The following PLAGL1 variants were observed in gnomAD, a reference collection of about 807,000 sequenced individuals.
PLAGL1 encodes the protein zinc finger protein PLAGL1.
PLAGL1 carries 1 observed loss-of-function variant against 4.6 expected under a neutral mutation model. That is an observed-to-expected ratio of 0.22 (90% confidence interval 0.08 to 1.03). The LOEUF (loss-of-function observed/expected upper bound fraction) is 1.03, where lower values mean the gene tolerates loss of function less well. Among genes scored for constraint, PLAGL1 ranks in the 50% least tolerant of loss-of-function variants. PLAGL1 has a pLI of 0.58. For synonymous variants in PLAGL1, 240 were observed against 237.8 expected, an observed-to-expected ratio of 1.01 and a Z score of -0.08; for missense variants, 464 against 570.4, an observed-to-expected ratio of 0.81 and a Z score of 1.90.
intron 1 of PLAGL1, among the ~76,000 whole-genome samples, chr6:144,028,570 G>T (rs1796547070): frequency 6.6e-6 from 1 of 152,198 alleles, no homozygotes; most frequent in Non-Finnish European, 1.5e-5. Flanking sequence ...GGGTATGGCT[G>T]TAAAGTGAGC....
chr6:144,046,986 C>T (rs143130832), intron 1 of PLAGL1, among the ~76,000 whole-genome samples: 2,190 of 152,296 alleles, frequency 0.014, 69 homozygotes, highest in African/African-American at 0.051. Context: ...GCTCTGTGGG[C>T]GTGGGACCCG....
At chr6:143,946,187 G>A (rs1479323349) in intron 7 of PLAGL1, among the ~76,000 whole-genome samples, 1 of 152,192 alleles carries the variant, frequency 6.6e-6, no homozygotes, top group Non-Finnish European at 1.5e-5. Flanking sequence ...CTTTCAATCT[G>A]CATCTGGTTG....
At chr6:144,057,098 T>C (rs1246842461) in intron 1 of PLAGL1, among the ~76,000 whole-genome samples, 1 of 152,226 alleles carries the variant, frequency 6.6e-6, no homozygotes, top group Admixed American at 6.5e-5. Flanking sequence ...GGTCTTGGTG[T>C]AGACTTCAGT....
At chr6:144,018,984 T>C (rs2128696136) in intron 1 of PLAGL1, among the ~76,000 whole-genome samples, 1 of 152,130 alleles carries the variant, frequency 6.6e-6, no homozygotes, top group East Asian at 1.9e-4. Context: ...CACTGAGTTA[T>C]GACCGCACCA....
chr6:144,007,524 A>G (rs1014111088), intron 1 of PLAGL1: 14 of 152,216 alleles, frequency 9.2e-5, no homozygotes, highest in African/African-American at 3.4e-4. Context: ...AAAAGGTAGA[A>G]ATCCCCATTC....
rs1794262316 is a variant in PLAGL1, at chr6:144,006,656, C to T, written c.-584+1434G>A. 6.6e-6 allele frequency: 1 copy of T among 152,072 alleles called. No individual in the cohort carries two copies. The highest frequency in any genetic ancestry group is 2.1e-4 in the South Asian group (1 of 4,812). The allele number at this position is 152,072 out of a possible 1,614,324, so 9.4% of individuals were successfully genotyped here. On this transcript the variant is annotated intron_variant, in intron 1 of 7. Transcript: ENST00000674357. This position sits in a 1 kb window ranked among gnomAD's most constrained non-coding sequence, Gnocchi z 4.3. ...TTCATTGGCCACTGTACAGTGTGCC[C>T]TTTTTATGAGTGGTGTATAATTTAT...
At chr6:144,035,390 T>C (rs576018109) in intron 1 of PLAGL1, among the ~76,000 whole-genome samples, 49 of 152,204 alleles carry the variant, frequency 3.2e-4, no homozygotes, top group Non-Finnish European at 5.6e-4. Context: ...ACTTGGAGTC[T>C]AATGTTCAAG....
intron 1 of PLAGL1, among the ~76,000 whole-genome samples, chr6:144,058,417 C>G (rs977832032): frequency 3.3e-5 from 5 of 152,126 alleles, no homozygotes; most frequent in Admixed American, 3.3e-4. Context: ...TTTGGAGGGA[C>G]GAATTTTCAA....
intron 1 of PLAGL1, among the ~76,000 whole-genome samples, chr6:144,035,687 C>T (rs1485328862): frequency 2.0e-5 from 3 of 152,158 alleles, no homozygotes; most frequent in African/African-American, 7.2e-5. Flanking sequence ...TGTGTCAAAT[C>T]CCTGTTGCTA....
At chr6:144,003,228 T>A (rs1042577998) in intron 1 of PLAGL1, among the ~76,000 whole-genome samples, 7 of 151,510 alleles carry the variant, frequency 4.6e-5, no homozygotes, top group African/African-American at 1.7e-4. Context: ...TAAATCTTGA[T>A]CCCCCCCTCA....
chr6:143,982,738 C>T lies in PLAGL1; in HGVS notation c.-544+2397G>A, dbSNP rs764842433. Among the ~76,000 whole-genome samples the T allele has an allele frequency of 1.3e-5, 2 of 151,826 alleles. No individual in the cohort carries two copies. Among genetic ancestry groups the T allele is most frequent in the Non-Finnish European group, 2.9e-5 (2 of 67,978 alleles). ...CTGAATGTGTAGAGGGTGAGAGAGA[C>T]GAAATGAGGATGCTGCAAAGGCACC... is the stretch of plus-strand genomic sequence containing the variant. On this transcript the variant is annotated intron_variant, in intron 2 of 7. Transcript: ENST00000674357. This position sits in a 1 kb window ranked among gnomAD's most constrained non-coding sequence, Gnocchi z 5.3.
In PLAGL1 at chr6:143,947,716, TTG is replaced by T. The variant is rs1476305189; in HGVS notation, c.152+267_152+268del. On this transcript the variant is annotated intron_variant, in intron 7 of 7. Coordinates refer to ENST00000674357, the MANE Select transcript of PLAGL1 (RefSeq NM_001317162.2). The surrounding 1 kb of genome is among the most constrained non-coding windows in gnomAD (Gnocchi z 4.3). Reference sequence around the variant, plus strand: ...TCAAAGCAGTGAGGTTGCATTTTAATTGTCTTTTCCTATTTCTCCAGCCATGG... The same window carrying T: ...TCAAAGCAGTGAGGTTGCATTTTAATTCTTTTCCTATTTCTCCAGCCATGG... Among the ~76,000 whole-genome samples the T allele has an allele frequency of 6.6e-6, 1 of 152,210 alleles. No homozygotes were observed. Among genetic ancestry groups the T allele is most frequent in the Non-Finnish European group, 1.5e-5 (1 of 68,036 alleles).
Position 143,983,168 on chromosome 6 carries a change from A to G in PLAGL1, c.-544+1967T>C, listed in dbSNP as rs547259075. Among the ~76,000 whole-genome samples the G allele has an allele frequency of 1.4e-4, 22 of 152,160 alleles. No homozygotes were observed. Among genetic ancestry groups the G allele is most frequent in the African/African-American group, 4.3e-4 (18 of 41,428 alleles). ...GGAAAGTGTGCAGACTCAGAAGACA[A>G]GAGAAGAACATACTTCACAGAGCAG... On this transcript the variant is annotated intron_variant, in intron 2 of 7. Coordinates refer to ENST00000674357, the MANE Select transcript of PLAGL1 (RefSeq NM_001317162.2). This position sits in a 1 kb window ranked among gnomAD's most constrained non-coding sequence, Gnocchi z 6.6.
Position 143,955,709 on chromosome 6 carries a change from C to T in PLAGL1, c.-325+4760G>A, listed in dbSNP as rs531401503. 8.5e-5 allele frequency among the ~76,000 whole-genome samples: 13 copies of T among 152,192 alleles called. No individual in the cohort carries two copies. The South Asian group carries it at 2.7e-3, about 32-fold the overall frequency. The stretch of plus-strand genomic sequence containing the variant: ...CGATCAGAAGCAGTGGACTTGCCAC[C>T]AGATTTCACTTTTTGATGGTAACTC... On this transcript the variant is annotated intron_variant, in intron 6 of 7. Coordinates refer to ENST00000674357, the MANE Select transcript of PLAGL1 (RefSeq NM_001317162.2). The surrounding 1 kb of genome is among the most constrained non-coding windows in gnomAD (Gnocchi z 4.9).
intron 1 of PLAGL1, among the ~76,000 whole-genome samples, chr6:144,017,691 C>T (rs1176167807): frequency 6.6e-6 from 1 of 152,192 alleles, no homozygotes; most frequent in Non-Finnish European, 1.5e-5. Flanking sequence ...AATTCCTTCA[C>T]TTCCTCCTAA....
chr6:143,999,376 A>G (rs1214579176), intron 1 of PLAGL1, among the ~76,000 whole-genome samples: 1 of 152,228 alleles, frequency 6.6e-6, no homozygotes, highest in Non-Finnish European at 1.5e-5. Context: ...ATCATTGGTG[A>G]ATGACTCTCC....
chr6:143,996,613 C>CTTT (rs113499225), intron 1 of PLAGL1, among the ~76,000 whole-genome samples: 4 of 133,626 alleles, frequency 3.0e-5, no homozygotes, highest in Non-Finnish European at 4.8e-5. Flanking sequence ...TATTTATTCC[C>CTTT]TTTTTTTTTT....
Position 143,959,257 on chromosome 6 carries a change from G to A in PLAGL1, c.-325+1212C>T, listed in dbSNP as rs907451233. Among the ~76,000 whole-genome samples the A allele has an allele frequency of 6.6e-6, 1 of 152,116 alleles. No individual in the cohort carries two copies. The highest frequency in any genetic ancestry group is 1.5e-5 in the Non-Finnish European group (1 of 68,012). ...ACCCTGCTTTGGCTGGCCCCCTTCA[G>A]CTCCTGAGACAGACAAGGCCTGCTG... is the stretch of plus-strand genomic sequence containing the variant. On this transcript the variant is annotated intron_variant, in intron 6 of 7. Coordinates refer to ENST00000674357, the MANE Select transcript of PLAGL1 (RefSeq NM_001317162.2). The surrounding 1 kb of genome is among the most constrained non-coding windows in gnomAD (Gnocchi z 5.3).
chr6:143,987,593 A>G (rs778456919), intron 1 of PLAGL1, among the ~76,000 whole-genome samples: 4 of 151,920 alleles, frequency 2.6e-5, no homozygotes, highest in Non-Finnish European at 4.4e-5. Context: ...ATCAGGGTGA[A>G]GGAAACCCTC....
Sources: gnomAD v4.1 joint callset for allele counts (sites outside exome capture counted in the v4.1 genomes callset) on GRCh38, gnomAD v4.1.1 for gene constraint, Gnocchi (gnomAD v3.1) non-coding constraint, MANE v1.5 for transcripts, NCBI Gene and HGNC (gene_info 2026-07-23, HGNC 2026-07-21) for gene names.